MYO5A: variants seen among roughly 807,000 people sequenced by gnomAD.
MYO5A encodes myosin VA, also known as unconventional myosin-Va.
A neutral mutation model predicts 249.7 loss-of-function variants in MYO5A; 98 were observed. The ratio of observed to expected loss-of-function variants is 0.39; its 90% CI spans 0.33 to 0.46. The LOEUF is 0.46. MYO5A is among the 20% of genes least tolerant of loss of function. The probability of loss-of-function intolerance (pLI) is 0.98; values close to 1 mark genes in which losing one functional copy is unlikely to be tolerated. For missense variants in MYO5A, 1,696 were observed against 2,308.8 expected, an observed-to-expected ratio of 0.73 and a Z score of 5.44; for synonymous variants, 778 against 810.6, an observed-to-expected ratio of 0.96 and a Z score of 0.68.
At chr15:52,436,507 C>T (rs994356430) in intron 1 of MYO5A, among the ~76,000 whole-genome samples, 3 of 152,180 alleles carry the variant, frequency 2.0e-5, no homozygotes, top group African/African-American at 4.8e-5. Flanking sequence ...ACCTTTCTAG[C>T]GGAAATCAAT....
At chr15:52,431,093 A>T (rs2075521304) in intron 2 of MYO5A, among the ~76,000 whole-genome samples, 1 of 151,680 alleles carries the variant, frequency 6.6e-6, no homozygotes, top group African/African-American at 2.4e-5. Flanking sequence ...TTAGCCAGGC[A>T]TGGTGGCATG....
chr15:52,474,496 G>C (rs957226516), intron 1 of MYO5A, among the ~76,000 whole-genome samples: 3 of 152,076 alleles, frequency 2.0e-5, no homozygotes, highest in Non-Finnish European at 4.4e-5. Flanking sequence ...TCCAGTTTTT[G>C]CCCATTCAGT....
At position 52,350,387 on chromosome 15, in the gene MYO5A, G is replaced by A. The variant is rs182619046; in HGVS notation, c.3849+867C>T. On this transcript the variant is annotated intron_variant, in intron 28 of 41. Coordinates refer to ENST00000399233, the MANE Select transcript of MYO5A (RefSeq NM_001382347.1). Reference sequence around the variant, plus strand: ...GGTGTGAGTTGCCTTCATCAAGTCCGATTATACGTGCCAGGCACAGTATCT... The same window carrying A: ...GGTGTGAGTTGCCTTCATCAAGTCCAATTATACGTGCCAGGCACAGTATCT... Among the ~76,000 whole-genome samples the A allele has an allele frequency of 3.3e-5, 5 of 152,032 alleles. No homozygotes were observed. The East Asian group carries it at 5.8e-4, about 18-fold the overall frequency.
intron 1 of MYO5A, among the ~76,000 whole-genome samples, chr15:52,474,011 T>C (rs901184158): frequency 6.6e-6 from 1 of 152,218 alleles, no homozygotes; most frequent in Non-Finnish European, 1.5e-5. Flanking sequence ...ATATTGATTC[T>C]TCCTATCCAT....
chr15:52,384,367 T>A, intron 14 of MYO5A, 45 bp from the exon 15 acceptor site: 2 of 1,579,596 alleles, frequency 1.3e-6, no homozygotes, highest in Non-Finnish European at 1.7e-6. Flanking sequence ...AAACCAAACT[T>A]GAACGCAAAC....
In MYO5A at chr15:52,425,844, G is replaced by A. The variant is rs1271433109; in HGVS notation, c.441C>T (p.Tyr147=). The change falls in exon 4 of 42, where the codon TAC becomes TAT. Residue 147 remains tyrosine (Y), a synonymous_variant. Coordinates refer to ENST00000399233, the MANE Select transcript of MYO5A (RefSeq NM_001382347.1). ...CTTCTACCAACCTGGCCATTTGCTTGTAAGCTTCTTCAGCTACTGCAAAGA... is the reference window on the plus strand; with the variant it reads ...CTTCTACCAACCTGGCCATTTGCTTATAAGCTTCTTCAGCTACTGCAAAGA... ...PHIFAVAEEA[Y]KQMARDERNQ... is the part of the protein sequence containing the mutation. The A allele has an allele frequency of 8.7e-6, 14 of 1,613,926 alleles. No homozygotes were observed. Among genetic ancestry groups the A allele is most frequent in the Non-Finnish European group, 1.1e-5 (13 of 1,180,002 alleles).
At chr15:52,488,147 G>C (rs2076862872) in intron 1 of MYO5A, among the ~76,000 whole-genome samples, 1 of 151,800 alleles carries the variant, frequency 6.6e-6, no homozygotes, top group Non-Finnish European at 1.5e-5. Context: ...AAGAATTATG[G>C]ATGAGGTGAA....
At chr15:52,402,772 G>A (rs563303391) in intron 9 of MYO5A, among the ~76,000 whole-genome samples, 5 of 152,226 alleles carry the variant, frequency 3.3e-5, no homozygotes, top group African/African-American at 9.6e-5. Context: ...TTGAACCCAG[G>A]AGGTGGAGGT....
Position 52,505,636 on chromosome 15 carries a change from G to A in MYO5A, c.27+23144C>T, listed in dbSNP as rs1191812060. 4 of 1,327,376 alleles carry A rather than the reference G, an allele frequency of 3.0e-6. No individual in the cohort carries two copies. The East Asian group carries it at 9.2e-5, about 30-fold the overall frequency. 82.2% of individuals were successfully genotyped at this position (1,327,376 alleles called of 1,614,324 possible). ...CATCTTATTAGATGTGAAATCTTGG[G>A]ATGATGAGACAGATATGGCGAAATT... is the stretch of plus-strand genomic sequence containing the variant. On this transcript the variant is annotated intron_variant, in intron 1 of 41. Coordinates refer to ENST00000399233, the MANE Select transcript of MYO5A (RefSeq NM_001382347.1).
intron 16 of MYO5A, among the ~76,000 whole-genome samples, chr15:52,380,730 G>A (rs987435157): frequency 6.6e-6 from 1 of 152,200 alleles, no homozygotes; most frequent in African/African-American, 2.4e-5. Flanking sequence ...CCACGCCATT[G>A]CATTCCAGCC....
chr15:52,382,949 T>C (rs1266509714), intron 16 of MYO5A, 142 bp downstream of exon 16: 12 of 726,654 alleles, frequency 1.7e-5, no homozygotes, highest in African/African-American at 5.2e-5. Flanking sequence ...TACTGACTAG[T>C]GGTTTCCCTC....
chr15:52,332,662 A>T (rs2038943055), intron 34 of MYO5A, among the ~76,000 whole-genome samples: 1 of 152,148 alleles, frequency 6.6e-6, no homozygotes, highest in Admixed American at 6.5e-5. Context: ...AATATTATCT[A>T]CTAATTAAAA....
intron 8 of MYO5A, 60 bp downstream of exon 8, chr15:52,407,231 CA>C (rs1595615949): frequency 8.4e-7 from 1 of 1,196,528 alleles, no homozygotes. Flanking sequence ...ATATTCTAAA[CA>C]AAGGTTGCTT....
chr15:52,448,943 C>CT (rs2075954147), intron 1 of MYO5A, among the ~76,000 whole-genome samples: 1 of 77,688 alleles, frequency 1.3e-5, no homozygotes, highest in African/African-American at 4.9e-5. Context: ...TTTTTTTTTT[C>CT]TTTTCTTGTC....
Position 52,337,860 on chromosome 15 carries a change from C to T in MYO5A, c.4264G>A (p.Asp1422Asn), listed in dbSNP as rs1243035615. The T allele has an allele frequency of 6.5e-7, 1 of 1,544,956 alleles. No individual in the cohort carries two copies. The highest frequency in any genetic ancestry group is 1.4e-5 in the African/African-American group (1 of 72,902). Residue 1422 changes from aspartate to asparagine, a missense_variant, in exon 33 of 42, where the codon GAC becomes AAC. Around this residue, in one of 5 missense-constraint regions of MYO5A, gnomAD observed 625 missense variants for 908.1 expected, o/e 0.69. Coordinates refer to ENST00000399233, the MANE Select transcript of MYO5A (RefSeq NM_001382347.1). The stretch of plus-strand genomic sequence containing the variant: ...CGATATGATTGATACTTCTTAGGGT[C>T]ATCTGCATATAATTCCTCAAAATAC... ...NLYFEELYAD[D>N]PKKYQSYRIS...
intron 18 of MYO5A, among the ~76,000 whole-genome samples, chr15:52,377,896 A>T (rs2141113562): frequency 6.6e-6 from 1 of 152,332 alleles, no homozygotes; most frequent in South Asian, 2.1e-4. Flanking sequence ...CTAAGGGAAA[A>T]CAGAGAAAAT....
At chr15:52,466,214 G>T (rs1353211502) in intron 1 of MYO5A, among the ~76,000 whole-genome samples, 4 of 152,140 alleles carry the variant, frequency 2.6e-5, no homozygotes, top group African/African-American at 9.7e-5. Flanking sequence ...ACACGCCTGG[G>T]AGCTAGCCAC....
intron 1 of MYO5A, among the ~76,000 whole-genome samples, chr15:52,469,947 C>A (rs28840839): frequency 0.04 from 6,033 of 152,266 alleles, 332 homozygotes; most frequent in African/African-American, 0.13. Context: ...TCACTCCCCA[C>A]CCTTTTTGCC....
chr15:52,372,273 T>C lies in MYO5A; in HGVS notation c.2668A>G (p.Ile890Val), dbSNP rs201829722. The C allele has an allele frequency of 2.5e-6, 4 of 1,611,722 alleles. No homozygotes were observed. Among genetic ancestry groups the C allele is most frequent in the East Asian group, 2.2e-5 (1 of 44,874 alleles). ...THYKRSMHAI[I>V]YLQCCFRRMM... ...CGCCTGAAGCAGCACTGAAGGTAGA[T>C]GATGGCATGCATGCTCCTCTTGTAG... is the stretch of plus-strand genomic sequence containing the variant. Residue 890 changes from isoleucine to valine, a missense_variant, in exon 21 of 42, where the codon ATC (isoleucine) becomes GTC (valine). Physicochemically the swap from Ile to Val is conservative, Grantham distance 29. Transcript: ENST00000399233.
Sources: allele counts gnomAD v4.1 joint callset (sites outside exome capture counted in the v4.1 genomes callset), GRCh38; gene constraint gnomAD v4.1.1; regional missense constraint gnomAD v4.1.1; transcripts MANE v1.5; gene names NCBI Gene and HGNC (gene_info 2026-07-23, HGNC 2026-07-21).